DNAJC6: variants seen among roughly 807,000 people sequenced by gnomAD.
DNAJC6 encodes the protein auxilin.
A neutral mutation model predicts 110.0 loss-of-function variants in DNAJC6; 34 were observed. The ratio of observed to expected loss-of-function variants is 0.31; its 90% confidence interval spans 0.24 to 0.41. The LOEUF is 0.41. Ranked by LOEUF, DNAJC6 falls within the 10% of genes least tolerant of loss-of-function variation. The probability of loss-of-function intolerance (pLI) is 1.00; values close to 1 mark genes in which losing one functional copy is unlikely to be tolerated. For missense variants in DNAJC6, 1,031 were observed against 1,207.8 expected (o/e 0.85, Z 2.17); for synonymous variants, 406 against 437.2 (o/e 0.93, Z 0.89).
intron 18 of DNAJC6, 126 bp downstream of exon 18, chr1:65,411,552 A>G: frequency 1.2e-6 from 1 of 847,214 alleles, no homozygotes; most frequent in Non-Finnish European, 1.8e-6. Context: ...TCAATGAGCT[A>G]AAATCAGATA....
chr1:65,267,158 A>G (rs1653362884), intron 1 of DNAJC6, among the ~76,000 whole-genome samples: 1 of 152,064 alleles, frequency 6.6e-6, no homozygotes, highest in East Asian at 1.9e-4. Flanking sequence ...CGGCCTCCCA[A>G]AGTGCTGGAG....
At chr1:65,331,017 C>G (rs1476418747) in intron 1 of DNAJC6, among the ~76,000 whole-genome samples, 3 of 152,192 alleles carry the variant, frequency 2.0e-5, no homozygotes, top group Admixed American at 1.3e-4. Flanking sequence ...ATCCCATTGG[C>G]CAGAACTTAA....
chr1:65,315,686 T>C (rs1645142582), intron 1 of DNAJC6, among the ~76,000 whole-genome samples: 1 of 152,222 alleles, frequency 6.6e-6, no homozygotes, highest in African/African-American at 2.4e-5. Context: ...CATTTAACCC[T>C]CATAAGAATC....
chr1:65,406,044 C>T lies in DNAJC6; in HGVS notation c.2402C>T (p.Ser801Phe), dbSNP rs756016995. The T allele has an allele frequency of 6.2e-7, 1 of 1,614,192 alleles. No homozygotes were observed. The highest frequency in any genetic ancestry group is 1.1e-5 in the South Asian group (1 of 91,086). ...QPKPQPSMPH[S>F]SPQNRPNYNV... ...AAGCCTCAGCCCAGCATGCCCCACT[C>T]CTCTCCCCAGAACCGACCCAACTAC... The change falls in exon 16 of 19, where the codon TCC becomes TTC. Residue 801 changes from serine (S) to phenylalanine (F), a missense_variant. Physicochemically the swap from Ser to Phe is radical, Grantham distance 155. Transcript: ENST00000371069.
At chr1:65,368,582 C>T (rs112139400) in intron 4 of DNAJC6, among the ~76,000 whole-genome samples, 2 of 128,072 alleles carry the variant, frequency 1.6e-5, no homozygotes, top group Admixed American at 7.4e-5. Context: ...CCTCTTCTTC[C>T]TCCTCTTCTT....
In DNAJC6 at chr1:65,392,531, G is replaced by A. The variant is rs754463545; in HGVS notation, c.1569G>A (p.Pro523=). 1.6e-5 allele frequency: 26 copies of A among 1,613,888 alleles called. No individual in the cohort carries two copies. Among genetic ancestry groups the A allele is most frequent in the Non-Finnish European group, 1.9e-5 (23 of 1,179,976 alleles). ...SDDELLTLSS[P]HGNANGDKPH... is the part of the protein sequence containing the mutation. ...ATGAACTTCTGACACTTTCCAGTCC[G>A]CATGGCAATGCCAATGGTGACAAGC... Residue 523 remains proline (P), a synonymous_variant, in exon 12 of 19, where the codon CCG becomes CCA. Transcript: ENST00000371069.
intron 1 of DNAJC6, among the ~76,000 whole-genome samples, chr1:65,300,060 A>AAAAAAAAAG (rs1557506358): frequency 6.7e-6 from 1 of 149,706 alleles, no homozygotes. Flanking sequence ...AAAAAAAAAA[A>AAAAAAAAAG]AAAGAAAAAA....
chr1:65,271,809 C>T (rs2101159024), intron 1 of DNAJC6, among the ~76,000 whole-genome samples: 1 of 149,592 alleles, frequency 6.7e-6, no homozygotes, highest in Admixed American at 6.7e-5. Context: ...GTGGAGATTG[C>T]AGTGAGCCAA....
At chr1:65,306,100 C>A (rs1645034801), upstream of DNAJC6, among the ~76,000 whole-genome samples, 1 of 138,320 alleles carries the variant, frequency 7.2e-6, no homozygotes, top group Admixed American at 7.6e-5. Context: ...TTTTTTGAGA[C>A]AGAGTCTCGC....
intron 11 of DNAJC6, among the ~76,000 whole-genome samples, 160 bp from the exon 12 acceptor site, chr1:65,392,271 C>T (rs751046042): frequency 2.0e-5 from 3 of 152,122 alleles, no homozygotes; most frequent in Non-Finnish European, 2.9e-5. Flanking sequence ...TTGAATGTAA[C>T]GTGAAATACA....
At chr1:65,357,043 G>A (rs1645550751) in intron 1 of DNAJC6, among the ~76,000 whole-genome samples, 1 of 152,162 alleles carries the variant, frequency 6.6e-6, no homozygotes, top group Non-Finnish European at 1.5e-5. Context: ...GAAGGATGAT[G>A]AAGCCCTTTG....
At chr1:65,358,825 C>T (rs1182965416) in intron 1 of DNAJC6, among the ~76,000 whole-genome samples, 5 of 152,070 alleles carry the variant, frequency 3.3e-5, no homozygotes, top group African/African-American at 7.2e-5. Context: ...TCTTGATGAA[C>T]GTCTCTTTTT....
upstream of DNAJC6, among the ~76,000 whole-genome samples, chr1:65,307,008 C>CTA (rs1489991278): frequency 6.0e-4 from 56 of 93,174 alleles, no homozygotes; most frequent in African/African-American, 2.2e-3. Context: ...CTCTCTCTCT[C>CTA]TCTCTCTCTC....
chr1:65,365,836 G>C (rs1312660803), intron 2 of DNAJC6, 49 bp from the exon 3 acceptor site: 1 of 1,590,774 alleles, frequency 6.3e-7, no homozygotes, highest in Non-Finnish European at 8.6e-7. Context: ...GAGAAATCTT[G>C]GCATATTTGG....
At chr1:65,369,523 A>G (rs931421759) in intron 4 of DNAJC6, among the ~76,000 whole-genome samples, 17 of 152,228 alleles carry the variant, frequency 1.1e-4, no homozygotes, top group Non-Finnish European at 2.4e-4. Context: ...AGAGTCTACC[A>G]TAAATACTAA....
Position 65,392,869 on chromosome 1 carries a change from A to AT in DNAJC6, c.1903+10dup, listed in dbSNP as rs1418210003. 6.6e-7 allele frequency: 1 copy of AT among 1,507,520 alleles called. No individual in the cohort carries two copies. Among genetic ancestry groups the AT allele is most frequent in the Non-Finnish European group, 8.9e-7 (1 of 1,129,130 alleles). 93.4% of individuals were successfully genotyped at this position (1,507,520 alleles called of 1,614,324 possible). A position where few individuals can be genotyped will look rare whatever the true frequency, so the allele number is the denominator to read the frequency against. On this transcript the variant is annotated splice_donor_region_variant and intron_variant, in intron 12 of 18. Transcript: ENST00000371069. ...CCAACCCTAAGAGTGGGAGAAGGTA[A>AT]TTTTTTCTATGTTGCACTGTGCCTC...
intron 1 of DNAJC6, among the ~76,000 whole-genome samples, chr1:65,328,310 C>G (rs1171134882): frequency 6.6e-6 from 1 of 152,102 alleles, no homozygotes; most frequent in Non-Finnish European, 1.5e-5. Context: ...TAACTATGTT[C>G]TTTATCTGCA....
In DNAJC6 at chr1:65,264,787, G is replaced by A. The variant is rs1322525868; in HGVS notation, c.-276G>A. 6 of 1,512,650 alleles carry A rather than the reference G, an allele frequency of 4.0e-6. No individual in the cohort carries two copies. In the Admixed American group the frequency reaches 9.0e-5, roughly 23 times the overall value. 93.7% of individuals were successfully genotyped at this position (1,512,650 alleles called of 1,614,324 possible). A position where few individuals can be genotyped will look rare whatever the true frequency, so the allele number is the denominator to read the frequency against. On this transcript the variant is annotated 5_prime_UTR_variant, in exon 1 of 20. Coordinates refer to the DNAJC6 transcript ENST00000263441. Reference sequence around the variant, plus strand: ...GACTTGCATGCAATTATCATAGCCCGAGTGCTCCTCCGTTGAGAGACTTCG... The same window carrying A: ...GACTTGCATGCAATTATCATAGCCCAAGTGCTCCTCCGTTGAGAGACTTCG...
chr1:65,379,660 G>T lies in DNAJC6; in HGVS notation c.666+136G>T, dbSNP rs538531234. 2.0e-5 allele frequency: 25 copies of T among 1,280,290 alleles called. No homozygotes were observed. The East Asian group carries it at 4.6e-4, about 24-fold the overall frequency. The allele number at this position is 1,280,290 out of a possible 1,614,324, so 79.3% of individuals were successfully genotyped here. On this transcript the variant is annotated intron_variant, in intron 5 of 18. Coordinates refer to ENST00000371069, the MANE Select transcript of DNAJC6 (RefSeq NM_001256864.2). ...CATATTTAGGAATTGGGTAATGTGA[G>T]AGTTGTAAAAATAAGAAAGGGATTT... is the stretch of plus-strand genomic sequence containing the variant.
Sources: allele counts gnomAD v4.1 joint callset (sites outside exome capture counted in the v4.1 genomes callset), GRCh38; gene constraint gnomAD v4.1.1; transcripts MANE v1.5; gene names NCBI Gene and HGNC (gene_info 2026-07-23, HGNC 2026-07-21).